VCL: variants seen among roughly 807,000 people sequenced by gnomAD.
VCL encodes the protein epididymis luminal protein 114.
In VCL, 47 loss-of-function variants were observed where a neutral mutation model predicts 125.7. The observed-to-expected ratio is 0.37, with a 90% CI of 0.30 to 0.48. The LOEUF (loss-of-function observed/expected upper bound fraction) is 0.48. Among genes scored for constraint, VCL ranks in the 20% least tolerant of loss-of-function variants. The pLI, the probability that VCL is intolerant of heterozygous loss-of-function variation, is 0.99. For synonymous variants in VCL, 458 were observed against 514.6 expected (o/e 0.89, Z 1.49); for missense variants, 1,069 against 1,455.5 (o/e 0.73, Z 4.32).
In VCL at chr10:74,083,432, C is replaced by A. The variant is rs767337343; in HGVS notation, c.941C>A (p.Ala314Glu). The A allele has an allele frequency of 4.3e-6, 7 of 1,614,104 alleles. No homozygotes were observed. In the South Asian group the frequency reaches 7.7e-5, roughly 18 times the overall value. Residue 314 changes from alanine to glutamate, a missense_variant, in exon 8 of 22, where the codon GCA (alanine) becomes GAA (glutamate). By Grantham distance (107) the Ala-to-Glu change is moderately radical. Coordinates refer to ENST00000211998, the MANE Select transcript of VCL (RefSeq NM_014000.3). ...DEAGKVGELC[A>E]GKERREILGT... ...GCTGGAAAAGTTGGTGAACTCTGTG[C>A]AGGCAAAGAACGCAGGGAGATTCTG...
intron 2 of VCL, among the ~76,000 whole-genome samples, chr10:74,061,560 G>C (rs1038595482): frequency 5.3e-5 from 8 of 151,948 alleles, no homozygotes; most frequent in African/African-American, 1.9e-4. Context: ...TTGTTTGTTG[G>C]CTATAATTTC....
At chr10:74,067,125 G>A (rs990287180) in intron 2 of VCL, among the ~76,000 whole-genome samples, 3 of 151,922 alleles carry the variant, frequency 2.0e-5, no homozygotes, top group Admixed American at 6.6e-5. Flanking sequence ...CCTACAGACT[G>A]GGAAAAAAAC....
At chr10:74,090,804 T>A (rs1466385490) in intron 10 of VCL, among the ~76,000 whole-genome samples, 3 of 151,886 alleles carry the variant, frequency 2.0e-5, no homozygotes, top group African/African-American at 7.3e-5. Context: ...TTTTATTTTT[T>A]ATTTTTATTT....
chr10:74,014,731 G>C (rs931470881), intron 1 of VCL, among the ~76,000 whole-genome samples: 1 of 152,146 alleles, frequency 6.6e-6, no homozygotes, highest in African/African-American at 2.4e-5. Context: ...GTCTCACTCT[G>C]TTGTTCAGGC....
In VCL at chr10:74,024,504, G is replaced by A. The variant is rs541017058; in HGVS notation, c.169-18579G>A. On this transcript the variant is annotated intron_variant, in intron 1 of 21. Coordinates refer to ENST00000211998, the MANE Select transcript of VCL (RefSeq NM_014000.3). ...CAGGCGCCTGTAGTACCAGGTACTC[G>A]GGAGACTGAGGCAGGAGAATTGCTT... Among the ~76,000 whole-genome samples the A allele has an allele frequency of 3.4e-4, 52 of 152,096 alleles. No homozygotes were observed. The Middle Eastern group carries it at 0.014, about 40-fold the overall frequency.
At chr10:74,014,737 C>G (rs1840505565) in intron 1 of VCL, among the ~76,000 whole-genome samples, 1 of 152,174 alleles carries the variant, frequency 6.6e-6, no homozygotes, top group Non-Finnish European at 1.5e-5. Context: ...CTCTGTTGTT[C>G]AGGCTGAAGT....
At chr10:74,042,371 C>T (rs1220255392) in intron 1 of VCL, among the ~76,000 whole-genome samples, 1 of 152,134 alleles carries the variant, frequency 6.6e-6, no homozygotes, top group African/African-American at 2.4e-5. Context: ...GGCATTACTG[C>T]TTATAAGGTA....
chr10:74,037,418 A>G (rs1459082881), intron 1 of VCL, among the ~76,000 whole-genome samples: 1 of 152,150 alleles, frequency 6.6e-6, no homozygotes, highest in Non-Finnish European at 1.5e-5. Context: ...GCTTCTGTAG[A>G]TCTTTACAAA....
rs181991376 is a variant in VCL at position 74,072,887 on chromosome 10, A to G, written c.622+35A>G. The G allele has an allele frequency of 7.0e-4, 1,131 of 1,612,296 alleles. 14 individuals are homozygous for G. In the East Asian group the frequency reaches 0.022, roughly 31 times the overall value. ...GCCTGTACTTTATTTTATAGGGGGG[A>G]AAAATGTTAGCATGTTCTAAACTCT... On this transcript the variant is annotated intron_variant, in intron 5 of 21. Transcript: ENST00000211998.
At chr10:74,080,276 A>G (rs933192627) in intron 6 of VCL, among the ~76,000 whole-genome samples, 1 of 152,102 alleles carries the variant, frequency 6.6e-6, no homozygotes, top group Non-Finnish European at 1.5e-5. Context: ...ATTGTTGGAG[A>G]TTAGTAGAAT....
At chr10:74,113,497 A>G (rs566867619) in intron 19 of VCL, among the ~76,000 whole-genome samples, 1 of 152,320 alleles carries the variant, frequency 6.6e-6, no homozygotes, top group African/African-American at 2.4e-5. Flanking sequence ...GGGAAAAATT[A>G]AAGCAACATG....
At chr10:74,055,561 A>G (rs557044388) in intron 2 of VCL, among the ~76,000 whole-genome samples, 3 of 151,818 alleles carry the variant, frequency 2.0e-5, no homozygotes, top group East Asian at 1.9e-4. Context: ...GGATCTCACT[A>G]TGTTGTCCAG....
chr10:74,095,408 T>C (rs999638983), intron 11 of VCL, among the ~76,000 whole-genome samples: 7 of 152,056 alleles, frequency 4.6e-5, no homozygotes, highest in Non-Finnish European at 8.8e-5. Context: ...CTGGGCAACA[T>C]AGTGAGACCC....
In VCL at chr10:74,095,716, G is replaced by A. The variant is rs1342547968; in HGVS notation, c.1604G>A (p.Gly535Glu). The A allele has an allele frequency of 2.5e-6, 4 of 1,614,034 alleles. No homozygotes were observed. Among genetic ancestry groups the A allele is most frequent in the Admixed American group, 1.7e-5 (1 of 60,004 alleles). ...EGHRLANVMM[G>E]PYRQDLLAKC... Reference sequence around the variant, plus strand: ...CATCGTCTGGCTAATGTTATGATGGGGCCTTATCGGCAAGATCTTCTCGCC... The same window carrying A: ...CATCGTCTGGCTAATGTTATGATGGAGCCTTATCGGCAAGATCTTCTCGCC... The change falls in exon 12 of 22, where the codon GGG becomes GAG. Residue 535 changes from glycine to glutamate, a missense_variant. Physicochemically the swap from Gly to Glu is moderately conservative, Grantham distance 98. Transcript: ENST00000211998.
chr10:74,038,526 T>C (rs970576947), intron 1 of VCL, among the ~76,000 whole-genome samples: 1 of 152,178 alleles, frequency 6.6e-6, no homozygotes, highest in Non-Finnish European at 1.5e-5. Context: ...CTAGCCAGAG[T>C]GTATTGAGCA....
chr10:74,087,252 G>T (rs1207929550), intron 8 of VCL, among the ~76,000 whole-genome samples: 1 of 150,172 alleles, frequency 6.7e-6, no homozygotes, highest in Admixed American at 6.6e-5. Context: ...GGCAATAAAT[G>T]AATGATTCAT....
At chr10:74,009,461 A>T (rs948249852) in intron 1 of VCL, among the ~76,000 whole-genome samples, 1 of 150,272 alleles carries the variant, frequency 6.7e-6, no homozygotes, top group African/African-American at 2.5e-5. Flanking sequence ...GAGTTTCACC[A>T]TGTTAGCCAG....
chr10:74,028,231 A>G (rs1281268493), intron 1 of VCL, among the ~76,000 whole-genome samples: 1 of 151,938 alleles, frequency 6.6e-6, no homozygotes, highest in Non-Finnish European at 1.5e-5. Flanking sequence ...AAGAGCCACC[A>G]CACCTAGTTA....
At chr10:74,018,867 GAT>G (rs1347544670) in intron 1 of VCL, among the ~76,000 whole-genome samples, 3 of 152,158 alleles carry the variant, frequency 2.0e-5, no homozygotes, top group Admixed American at 2.0e-4. Flanking sequence ...TGCTTCTAGA[GAT>G]AGTTTGTGCA....
Sources: gnomAD v4.1 joint callset for allele counts (sites outside exome capture counted in the v4.1 genomes callset) on GRCh38, gnomAD v4.1.1 for gene constraint, MANE v1.5 for transcripts, NCBI Gene and HGNC (gene_info 2026-07-23, HGNC 2026-07-21) for gene names.